Variants in DIDO1 observed in about 807,000 individuals in gnomAD.
DIDO1 encodes death inducer-obliterator 1.
Under a neutral mutation model 99.4 loss-of-function variants are expected in DIDO1, and 16 were observed. The observed-to-expected ratio is 0.16, with a 90% confidence interval of 0.11 to 0.24. The LOEUF is 0.24. Ranked by LOEUF, DIDO1 falls within the 10% of genes least tolerant of loss-of-function variation. DIDO1 has a pLI of 1.00. For missense variants in DIDO1, 2,996 were observed against 3,014.0 expected (o/e 0.99, Z 0.14); for synonymous variants, 1,366 against 1,239.1 (o/e 1.10, Z -2.15).
At position 62,894,437 on chromosome 20, in the gene DIDO1, C is replaced by T. The variant is rs775933363; in HGVS notation, c.2548G>A (p.Asp850Asn). The T allele has an allele frequency of 5.0e-6, 8 of 1,612,926 alleles. No homozygotes were observed. Among genetic ancestry groups the T allele is most frequent in the Non-Finnish European group, 5.9e-6 (7 of 1,180,022 alleles). Residue 850 changes from aspartate to asparagine, a missense_variant, in exon 11 of 16, where the codon GAT becomes AAT. This residue lies in a region of DIDO1 where 898 missense variants were observed against 972.7 expected (regional missense o/e 0.92). Coordinates refer to ENST00000395343, the MANE Select transcript of DIDO1 (RefSeq NM_001193369.2). The surrounding 1 kb of genome is among the most constrained non-coding windows in gnomAD (Gnocchi z 4.4). Reference protein sequence around the residue: ...TTSQHRAHLFDLNCKICTGQV... With the variant: ...TTSQHRAHLFNLNCKICTGQV... Reference sequence around the variant, plus strand: ...CCTGTGCAAATTTTACAGTTGAGATCGAAGAGGTGTGCGCGGTGCTGACTG... The same window carrying T: ...CCTGTGCAAATTTTACAGTTGAGATTGAAGAGGTGTGCGCGGTGCTGACTG...
chr20:62,879,739 C>T lies in DIDO1; in HGVS notation c.6217G>A (p.Gly2073Arg), dbSNP rs1351136572. The T allele has an allele frequency of 5.0e-6, 8 of 1,611,784 alleles. No individual in the cohort carries two copies. Among genetic ancestry groups the T allele is most frequent in the Non-Finnish European group, 6.8e-6 (8 of 1,179,822 alleles). Residue 2073 changes from glycine to arginine, a missense_variant, in exon 16 of 16, where the codon GGG (glycine) becomes AGG (arginine). Coordinates refer to ENST00000395343, the MANE Select transcript of DIDO1 (RefSeq NM_001193369.2). The surrounding 1 kb of genome is among the most constrained non-coding windows in gnomAD (Gnocchi z 6.3). ...GQWASADFRE[G>R]KGHEYRNQTF... ...TGGTTTCTGTATTCGTGGCCTTTCC[C>T]CTCTCGGAAGTCGGCCGATGCCCAC...
At chr20:62,921,967 T>C (rs1315470861) in intron 1 of DIDO1, among the ~76,000 whole-genome samples, 1 of 150,286 alleles carries the variant, frequency 6.7e-6, no homozygotes, top group Non-Finnish European at 1.5e-5. Flanking sequence ...ACAATATATA[T>C]ACACACTATA....
rs539917844 is a variant in DIDO1, at chr20:62,894,670, C to T, written c.2437-122G>A. On this transcript the variant is annotated intron_variant, in intron 10 of 15. Coordinates refer to ENST00000395343, the MANE Select transcript of DIDO1 (RefSeq NM_001193369.2). This position sits in a 1 kb window ranked among gnomAD's most constrained non-coding sequence, Gnocchi z 4.4. ...CCCACGGGGGAGAAAAAAGGACCAT[C>T]TAATACAAGGACTGAGGAATGCCAC... 86 of 1,438,474 alleles carry T rather than the reference C, an allele frequency of 6.0e-5. No individual in the cohort carries two copies. Among genetic ancestry groups the T allele is most frequent in the African/African-American group, 2.8e-4 (20 of 70,256 alleles). The allele number at this position is 1,438,474 out of a possible 1,614,324, so 89.1% of individuals were successfully genotyped here. A position where few individuals can be genotyped will look rare whatever the true frequency, so the allele number is the denominator to read the frequency against.
chr20:62,896,617 A>G lies in DIDO1; in HGVS notation c.1968T>C (p.Leu656=). 1 of 1,613,730 alleles carries G rather than the reference A, an allele frequency of 6.2e-7. No individual in the cohort carries two copies. Among genetic ancestry groups the G allele is most frequent in the South Asian group, 1.1e-5 (1 of 91,066 alleles). The stretch of plus-strand genomic sequence containing the variant: ...GCGATGGTGCAGCACTCATAGCCCC[A>G]AGGCGTCCTGGGGCTGGCGAGGCCA... ...VPMASPAPGR[L]GAMSAAPSQP... is the part of the protein sequence containing the mutation. The change falls in exon 7 of 16, where the codon CTT becomes CTC. Residue 656 remains leucine, a synonymous_variant. Transcript: ENST00000395343. This position sits in a 1 kb window ranked among gnomAD's most constrained non-coding sequence, Gnocchi z 4.4.
intron 1 of DIDO1, among the ~76,000 whole-genome samples, chr20:62,935,983 G>A (rs1313411514): frequency 6.6e-5 from 10 of 152,266 alleles, no homozygotes; most frequent in Admixed American, 6.5e-4. Flanking sequence ...CCGGTTGGCT[G>A]TTGGGAGGAG....
intron 4 of DIDO1, among the ~76,000 whole-genome samples, chr20:62,907,991 T>C (rs989195296): frequency 6.6e-6 from 1 of 152,150 alleles, no homozygotes; most frequent in African/African-American, 2.4e-5. Flanking sequence ...TACTTTTTTT[T>C]TTGTTTGAGA....
upstream of DIDO1, among the ~76,000 whole-genome samples, chr20:62,930,218 CAAAA>C (rs11477620): frequency 1.9e-4 from 27 of 140,564 alleles, no homozygotes; most frequent in Non-Finnish European, 3.3e-4. Flanking sequence ...AACAAACAAA[CAAAA>C]AAAAAAAAAA....
In DIDO1 at chr20:62,893,725, A is replaced by C; in HGVS notation, c.3042T>G (p.Ala1014=). ...TSVMVPKSIL[A]KPSSSPDPRY... is the part of the protein sequence containing the mutation. ...TTGGGTCAGGAGATGAGGATGGCTTAGCTAGTATGGACTTGGGCACCATCA... is the reference window on the plus strand; with the variant it reads ...TTGGGTCAGGAGATGAGGATGGCTTCGCTAGTATGGACTTGGGCACCATCA... The change falls in exon 12 of 16, where the codon GCT becomes GCG. Residue 1014 remains alanine (A), a synonymous_variant. Coordinates refer to ENST00000395343, the MANE Select transcript of DIDO1 (RefSeq NM_001193369.2). The C allele has an allele frequency of 6.2e-7, 1 of 1,614,020 alleles. No homozygotes were observed. Among genetic ancestry groups the C allele is most frequent in the Non-Finnish European group, 8.5e-7 (1 of 1,179,850 alleles).
Position 62,879,793 on chromosome 20 carries a change from G to A in DIDO1, c.6163C>T (p.Pro2055Ser). 1 of 1,611,184 alleles carries A rather than the reference G, an allele frequency of 6.2e-7. No homozygotes were observed. Among genetic ancestry groups the A allele is most frequent in the Non-Finnish European group, 8.5e-7 (1 of 1,179,702 alleles). The change falls in exon 16 of 16, where the codon CCC becomes TCC. Residue 2055 changes from proline to serine, a missense_variant. Pro to Ser is a moderately conservative substitution (Grantham distance 74, BLOSUM62 -1). Coordinates refer to ENST00000395343, the MANE Select transcript of DIDO1 (RefSeq NM_001193369.2). The surrounding 1 kb of genome is among the most constrained non-coding windows in gnomAD (Gnocchi z 6.3). ...GPPSALSSSA[P>S]GQGPEADGQW... ...CCGTCGGCCTCGGGGCCCTGTCCGG[G>A]CGCACTGGAGGAGAGCGCGGAGGGC...
chr20:62,937,727 G>A, intron 1 of DIDO1: 1 of 397,846 alleles, frequency 2.5e-6, no homozygotes, highest in South Asian at 1.3e-4. Flanking sequence ...GGCGGCCGCG[G>A]ACACCCGGCG....
rs547412179 is a variant in DIDO1, at chr20:62,896,127, T to C, written c.2214+106A>G. 300 of 1,233,568 alleles carry C rather than the reference T, an allele frequency of 2.4e-4. 1 individual carries two copies. In the African/African-American group the frequency reaches 4.0e-3, roughly 16 times the overall value. The allele number at this position is 1,233,568 out of a possible 1,614,324, so 76.4% of individuals were successfully genotyped here. On this transcript the variant is annotated intron_variant, in intron 8 of 15. Coordinates refer to ENST00000395343, the MANE Select transcript of DIDO1 (RefSeq NM_001193369.2). The surrounding 1 kb of genome is among the most constrained non-coding windows in gnomAD (Gnocchi z 4.4). ...GGATCACAGAGGAGAAAGAAACGTCTTAGCTTTCCTGGAAAGGACACGAAC... is the reference window on the plus strand; with the variant it reads ...GGATCACAGAGGAGAAAGAAACGTCCTAGCTTTCCTGGAAAGGACACGAAC...
chr20:62,907,399 C>A, intron 4 of DIDO1, 40 bp from the exon 5 acceptor site: 1 of 1,590,638 alleles, frequency 6.3e-7, no homozygotes, highest in South Asian at 1.1e-5. Flanking sequence ...ATGTACTTGC[C>A]AATTTTAAGC....
At chr20:62,920,498 C>T (rs6090166) in intron 1 of DIDO1, among the ~76,000 whole-genome samples, 34,907 of 152,120 alleles carry the variant, frequency 0.23, 4,281 homozygotes, top group East Asian at 0.33. Context: ...CACACTTGCC[C>T]CAAGGGGCAA....
intron 6 of DIDO1, among the ~76,000 whole-genome samples, chr20:62,903,608 C>G (rs755217260): frequency 3.9e-5 from 6 of 152,360 alleles, no homozygotes; most frequent in Non-Finnish European, 8.8e-5. Context: ...GACATGGTAG[C>G]TGCTGTCACC....
At position 62,882,312 on chromosome 20, in the gene DIDO1, C is replaced by G; in HGVS notation, c.3644G>C (p.Arg1215Pro). 6.2e-7 allele frequency: 1 copy of G among 1,614,034 alleles called. No individual in the cohort carries two copies. The highest frequency in any genetic ancestry group is 8.5e-7 in the Non-Finnish European group (1 of 1,180,022). The change falls in exon 16 of 16, where the codon CGG becomes CCG. Residue 1215 changes from arginine (R) to proline (P), a missense_variant. Physicochemically the swap from Arg to Pro is moderately radical, Grantham distance 103 (BLOSUM62 -2). This residue lies in a region of DIDO1 where 1,562 missense variants were observed against 1,412.6 expected (regional missense o/e 1.11). Coordinates refer to ENST00000395343, the MANE Select transcript of DIDO1 (RefSeq NM_001193369.2). ...SGELDKMDEK[R>P]TRLQPEEADV... ...CGCTTCTTCCGGTTGAAGTCGGGTC[C>G]GCTTTTCGTCCATCTTGTCTAACTC... is the stretch of plus-strand genomic sequence containing the variant.
intron 15 of DIDO1, chr20:62,889,616 C>G: frequency 1.0e-6 from 1 of 985,434 alleles, no homozygotes; most frequent in African/African-American, 1.7e-5. Flanking sequence ...GAGAGGCCAG[C>G]TTCTCGGTCT....
intron 1 of DIDO1, among the ~76,000 whole-genome samples, chr20:62,937,062 T>C (rs558782579): frequency 7.9e-5 from 12 of 152,390 alleles, no homozygotes; most frequent in Admixed American, 5.9e-4. Flanking sequence ...CTGGACTTAC[T>C]GTCGCTGAGT....
chr20:62,882,223 G>T lies in DIDO1; in HGVS notation c.3733C>A (p.Pro1245Thr). ...ACAGCCGCGTCTGCAGAGCAGAGTGGATACTTGGAGGGCTTCTTTTCCGAC... is the reference window on the plus strand; with the variant it reads ...ACAGCCGCGTCTGCAGAGCAGAGTGTATACTTGGAGGGCTTCTTTTCCGAC... The part of the protein sequence containing the change: ...PQSEKKPSKY[P>T]LCSADAAVST... The change falls in exon 16 of 16, where the codon CCA (proline) becomes ACA (threonine). Residue 1245 changes from proline (P) to threonine (T), a missense_variant. This residue lies in a region of DIDO1 where 1,562 missense variants were observed against 1,412.6 expected (regional missense o/e 1.11). Transcript: ENST00000395343. The T allele has an allele frequency of 6.2e-7, 1 of 1,613,748 alleles. No individual in the cohort carries two copies. The highest frequency in any genetic ancestry group is 2.2e-5 in the East Asian group (1 of 44,890).
intron 15 of DIDO1, among the ~76,000 whole-genome samples, chr20:62,886,400 G>A (rs2064298371): frequency 3.9e-5 from 6 of 152,178 alleles, no homozygotes; most frequent in Admixed American, 3.9e-4. Flanking sequence ...ATGACGGAGG[G>A]GTCTGGACTC....
Sources: allele counts gnomAD v4.1 joint callset (sites outside exome capture counted in the v4.1 genomes callset), GRCh38; gene constraint gnomAD v4.1.1; regional missense constraint gnomAD v4.1.1; non-coding constraint Gnocchi (gnomAD v3.1); transcripts MANE v1.5; gene names NCBI Gene and HGNC (gene_info 2026-07-23, HGNC 2026-07-21).